The following NEGR1 variants were observed in gnomAD, a reference collection of about 807,000 sequenced individuals.
NEGR1 encodes the protein neuronal growth regulator 1, also known as IgLON family member 4.
In NEGR1, 10 loss-of-function variants were observed where a neutral mutation model predicts 40.9. The ratio of observed to expected loss-of-function variants is 0.24; its 90% CI spans 0.15 to 0.42. The LOEUF (loss-of-function observed/expected upper bound fraction) is 0.42. Ranked by LOEUF, NEGR1 falls within the 10% of genes least tolerant of loss-of-function variation. The probability of loss-of-function intolerance (pLI) is 1.00; values close to 1 mark genes in which losing one functional copy is unlikely to be tolerated. For synonymous variants in NEGR1, 185 were observed against 166.8 expected, an observed-to-expected ratio of 1.11 and a Z score of -0.84; for missense variants, 352 against 438.9, an observed-to-expected ratio of 0.80 and a Z score of 1.77.
At chr1:71,907,869 G>A (rs1192551888) in intron 2 of NEGR1, among the ~76,000 whole-genome samples, 1 of 152,058 alleles carries the variant, frequency 6.6e-6, no homozygotes, top group Non-Finnish European at 1.5e-5. Context: ...GATGCAGCTG[G>A]AGGCCATTGT....
At chr1:71,672,360 C>T (rs76085682) in intron 4 of NEGR1, among the ~76,000 whole-genome samples, 2 of 152,268 alleles carry the variant, frequency 1.3e-5, no homozygotes, top group Admixed American at 1.3e-4. Context: ...AAAGTTAAGA[C>T]ACTCATGAGT....
chr1:71,400,897 G>C lies in NEGR1; in HGVS notation c.*6549C>G, dbSNP rs542722460. ...AAAATACAAAACTTAGCCAGGTGTG[G>C]TGGCACGTGCCTATAATCCCAGCTA... On this transcript the variant is annotated 3_prime_UTR_variant, in exon 7 of 7. Coordinates refer to ENST00000357731, the MANE Select transcript of NEGR1 (RefSeq NM_173808.3). The C allele has an allele frequency of 7.9e-5, 12 of 152,296 alleles. 1 individual carries two copies. Among genetic ancestry groups the C allele is most frequent in the African/African-American group, 2.4e-4 (10 of 41,444 alleles). 9.4% of individuals were successfully genotyped at this position (152,296 alleles called of 1,614,324 possible). A position where few individuals can be genotyped will look rare whatever the true frequency, so the allele number is the denominator to read the frequency against.
Position 72,107,392 on chromosome 1 carries a change from T to C in NEGR1, c.177-172081A>G, listed in dbSNP as rs973138285. 3.3e-5 allele frequency among the ~76,000 whole-genome samples: 5 copies of C among 151,808 alleles called. No individual in the cohort carries two copies. In the South Asian group the frequency reaches 8.3e-4, roughly 25 times the overall value. ...AAAAAAAATTAGCCTGGGAAAAGTA[T>C]GATAGATACATAAATTTTTTTTCAG... On this transcript the variant is annotated intron_variant, in intron 1 of 6. Transcript: ENST00000357731.
intron 1 of NEGR1, among the ~76,000 whole-genome samples, chr1:72,132,025 G>A (rs952779453): frequency 6.6e-6 from 1 of 152,076 alleles, no homozygotes; most frequent in African/African-American, 2.4e-5. Context: ...CTTTAACTTG[G>A]GAGGTGGAGG....
At chr1:71,606,926 G>GT (rs1553153224) in intron 5 of NEGR1, among the ~76,000 whole-genome samples, 1 of 152,158 alleles carries the variant, frequency 6.6e-6, no homozygotes, top group Non-Finnish European at 1.5e-5. Context: ...GGCACTGCCT[G>GT]TTTTTTGTTT....
At chr1:72,251,160 G>A (rs565660808) in intron 1 of NEGR1, among the ~76,000 whole-genome samples, 3 of 152,154 alleles carry the variant, frequency 2.0e-5, no homozygotes, top group Non-Finnish European at 4.4e-5. Flanking sequence ...TTGTGACTGT[G>A]TATGATAAAA....
chr1:71,993,155 T>C (rs1646470167), intron 1 of NEGR1, among the ~76,000 whole-genome samples: 1 of 152,226 alleles, frequency 6.6e-6, no homozygotes. Context: ...TGACAATTCA[T>C]ATTCTTCTCA....
At chr1:71,634,787 T>C (rs539070827) in intron 4 of NEGR1, among the ~76,000 whole-genome samples, 1 of 152,206 alleles carries the variant, frequency 6.6e-6, no homozygotes, top group East Asian at 1.9e-4. Context: ...GAAATCCAAA[T>C]TGTGGCTTTA....
chr1:72,032,425 C>T (rs1479275292), intron 1 of NEGR1, among the ~76,000 whole-genome samples: 1 of 152,138 alleles, frequency 6.6e-6, no homozygotes, highest in Admixed American at 6.5e-5. Flanking sequence ...ATAATCTAAT[C>T]TTGCAATGGT....
chr1:71,637,763 A>AAGCAT (rs1651205753), intron 4 of NEGR1, among the ~76,000 whole-genome samples: 2 of 151,934 alleles, frequency 1.3e-5, no homozygotes, highest in African/African-American at 4.8e-5. Context: ...GGAGACAAAG[A>AAGCAT]AGCATCATTG....
At chr1:71,971,326 T>C (rs549380358) in intron 1 of NEGR1, among the ~76,000 whole-genome samples, 2 of 152,324 alleles carry the variant, frequency 1.3e-5, no homozygotes, top group East Asian at 1.9e-4. Flanking sequence ...CAGTTTATGG[T>C]CCATGCTTTG....
chr1:71,730,866 A>G (rs1654837919), intron 3 of NEGR1, among the ~76,000 whole-genome samples: 4 of 146,336 alleles, frequency 2.7e-5, no homozygotes, highest in South Asian at 4.4e-4. Context: ...CTACTGGTGT[A>G]GTGAAGCATT....
chr1:72,058,608 T>C (rs1046649098), intron 1 of NEGR1, among the ~76,000 whole-genome samples: 2 of 151,682 alleles, frequency 1.3e-5, no homozygotes, highest in African/African-American at 2.4e-5. Flanking sequence ...ATACCAATAT[T>C]ATCTTGATGA....
chr1:71,861,819 A>G (rs962487167), intron 2 of NEGR1, among the ~76,000 whole-genome samples: 2 of 152,094 alleles, frequency 1.3e-5, no homozygotes, highest in African/African-American at 4.8e-5. Context: ...ACCATTTAAG[A>G]GGTCTTACTC....
intron 4 of NEGR1, among the ~76,000 whole-genome samples, chr1:71,693,500 C>T (rs542531040): frequency 5.3e-4 from 81 of 151,680 alleles, no homozygotes; most frequent in Non-Finnish European, 7.4e-4. Context: ...AGCTGACATT[C>T]TGGAGTCAGT....
chr1:71,590,543 A>G (rs1445372865), intron 6 of NEGR1, among the ~76,000 whole-genome samples: 3 of 152,030 alleles, frequency 2.0e-5, no homozygotes, highest in African/African-American at 4.8e-5. Context: ...CATTGTAGAT[A>G]AAAGCTTAGA....
intron 4 of NEGR1, among the ~76,000 whole-genome samples, chr1:71,623,900 C>CATCAA (rs2101556115): frequency 6.6e-6 from 1 of 151,952 alleles, no homozygotes; most frequent in Admixed American, 6.6e-5. Context: ...GTGAAGAGAA[C>CATCAA]ATCAAGAAAG....
rs563710312 is a variant in NEGR1 at position 71,485,845 on chromosome 1, G to A, written c.941-78275C>T. Among the ~76,000 whole-genome samples, 3 of 151,684 alleles carry A rather than the reference G, an allele frequency of 2.0e-5. No homozygotes were observed. The East Asian group carries it at 5.8e-4, about 30-fold the overall frequency. On this transcript the variant is annotated intron_variant, in intron 6 of 6. Transcript: ENST00000357731. ...TTATTTATTCATTCACCTACTGAAA[G>A]ACATCTTGGTTGCTTCCAAGTTTTT...
At chr1:71,538,227 C>T (rs1034915854) in intron 6 of NEGR1, among the ~76,000 whole-genome samples, 13 of 151,652 alleles carry the variant, frequency 8.6e-5, no homozygotes, top group Admixed American at 5.3e-4. Flanking sequence ...TTTGTAATGG[C>T]CCTCTCTATA....
Sources: gnomAD v4.1 joint callset for allele counts (sites outside exome capture counted in the v4.1 genomes callset) on GRCh38, gnomAD v4.1.1 for gene constraint, MANE v1.5 for transcripts, NCBI Gene and HGNC (gene_info 2026-07-23, HGNC 2026-07-21) for gene names.